GDAP1: variants seen among roughly 807,000 people sequenced by gnomAD.
GDAP1 encodes ganglioside-induced differentiation-associated protein 1.
Under a neutral mutation model 40.1 loss-of-function variants are expected in GDAP1, and 34 were observed. The ratio of observed to expected loss-of-function variants is 0.85; its 90% CI spans 0.64 to 1.13. The LOEUF is 1.13. Ranked by LOEUF, GDAP1 falls within the 50% of genes most tolerant of loss-of-function variation. The pLI is 0.00. For missense variants in GDAP1, 374 were observed against 433.7 expected (o/e 0.86, Z 1.22); for synonymous variants, 170 against 157.4 (o/e 1.08, Z -0.60).
chr8:74,417,724 TC>T, intron 2 of GDAP1, among the ~76,000 whole-genome samples: 1 of 121,044 alleles, frequency 8.3e-6, no homozygotes, highest in Admixed American at 1.1e-4. Context: ...GCCATTGCAC[TC>T]CAGCCTGAGC....
At chr8:74,448,743 T>A (rs1277719894) in intron 2 of GDAP1, among the ~76,000 whole-genome samples, 1 of 152,122 alleles carries the variant, frequency 6.6e-6, no homozygotes, top group African/African-American at 2.4e-5. Context: ...TACAATGTGG[T>A]CTTTCATGTC....
chr8:74,461,237 A>G (rs1018632836), intron 2 of GDAP1, among the ~76,000 whole-genome samples: 4 of 152,228 alleles, frequency 2.6e-5, no homozygotes, highest in African/African-American at 9.7e-5. Context: ...AAAATGGGGT[A>G]CATAATAAGC....
chr8:74,439,350 G>A (rs971846029), intron 2 of GDAP1, among the ~76,000 whole-genome samples: 3 of 151,960 alleles, frequency 2.0e-5, no homozygotes, highest in African/African-American at 7.3e-5. Flanking sequence ...TAATTTAGCA[G>A]TATTTTATAA....
At position 74,360,246 on chromosome 8, in the gene GDAP1, C is replaced by T. The variant is rs1202052524; in HGVS notation, c.420C>T (p.Cys140=). The T allele has an allele frequency of 1.2e-6, 2 of 1,613,596 alleles. No individual in the cohort carries two copies. The highest frequency in any genetic ancestry group is 2.2e-5 in the South Asian group (2 of 91,058). Reference sequence around the variant, plus strand: ...CAATGGATGCCTATACACATGGCTGCATTTTACATCCTGAGTTAACTGTGG... The same window carrying T: ...CAATGGATGCCTATACACATGGCTGTATTTTACATCCTGAGTTAACTGTGG... The part of the protein sequence containing the change: ...SLPMDAYTHG[C]ILHPELTVDS... Residue 140 remains cysteine (C), a synonymous_variant, in exon 3 of 6, where the codon TGC becomes TGT. Transcript: ENST00000220822.
intron 2 of GDAP1, among the ~76,000 whole-genome samples, chr8:74,377,283 C>T (rs1022164860): frequency 3.3e-5 from 5 of 151,940 alleles, no homozygotes; most frequent in Non-Finnish European, 5.9e-5. Context: ...AGAATATTCA[C>T]AATATATATA....
chr8:74,464,449 C>T (rs1455538049), intron 2 of GDAP1, among the ~76,000 whole-genome samples: 3 of 152,142 alleles, frequency 2.0e-5, no homozygotes, highest in Non-Finnish European at 4.4e-5. Flanking sequence ...GAAATAAGAA[C>T]AATGTGCAAC....
At chr8:74,354,798 G>T (rs767625734) in intron 2 of GDAP1, among the ~76,000 whole-genome samples, 1 of 152,180 alleles carries the variant, frequency 6.6e-6, no homozygotes, top group African/African-American at 2.4e-5. Context: ...TTGACATTTT[G>T]TCCAATTATG....
At chr8:74,359,249 C>T (rs1809239586) in intron 2 of GDAP1, among the ~76,000 whole-genome samples, 1 of 152,104 alleles carries the variant, frequency 6.6e-6, no homozygotes, top group Non-Finnish European at 1.5e-5. Flanking sequence ...ATGTTAACTC[C>T]TGCAGCACTT....
intron 2 of GDAP1, among the ~76,000 whole-genome samples, chr8:74,421,120 G>A (rs1805852509): frequency 6.6e-6 from 1 of 152,102 alleles, no homozygotes. Context: ...TTTCTATTGG[G>A]TGAAGCAACT....
chr8:74,353,139 T>C (rs1180830553), intron 2 of GDAP1, among the ~76,000 whole-genome samples: 1 of 152,222 alleles, frequency 6.6e-6, no homozygotes, highest in Non-Finnish European at 1.5e-5. Flanking sequence ...AAGTTCTGTG[T>C]CCTGCTAAGT....
chr8:74,384,366 A>G (rs542653698), intron 2 of GDAP1, among the ~76,000 whole-genome samples: 3 of 152,290 alleles, frequency 2.0e-5, no homozygotes, highest in Admixed American at 6.5e-5. Context: ...AACAATTTTT[A>G]TATTTTTCCA....
At chr8:74,353,481 CAG>C (rs1808969914) in intron 2 of GDAP1, among the ~76,000 whole-genome samples, 1 of 151,112 alleles carries the variant, frequency 6.6e-6, no homozygotes, top group African/African-American at 2.4e-5. Context: ...AAGTTTATCT[CAG>C]AGTACTGAAA....
intron 2 of GDAP1, among the ~76,000 whole-genome samples, chr8:74,414,627 G>C (rs1805756446): frequency 6.8e-6 from 1 of 147,934 alleles, no homozygotes; most frequent in Non-Finnish European, 1.5e-5. Flanking sequence ...AGAGAAAAAC[G>C]TTAAAAGAAG....
chr8:74,351,560 C>T, intron 2 of GDAP1, 94 bp downstream of exon 2: 5 of 966,824 alleles, frequency 5.2e-6, no homozygotes, highest in South Asian at 3.9e-5. Flanking sequence ...CTCTCTTTCT[C>T]TTGTGTCATG....
At chr8:74,440,535 T>C (rs1806150216) in intron 2 of GDAP1, among the ~76,000 whole-genome samples, 1 of 152,094 alleles carries the variant, frequency 6.6e-6, no homozygotes, top group African/African-American at 2.4e-5. Flanking sequence ...TAATCCAACC[T>C]ATCTCTCGTA....
chr8:74,352,425 A>G (rs199583295), intron 2 of GDAP1, among the ~76,000 whole-genome samples: 1 of 150,716 alleles, frequency 6.6e-6, no homozygotes, highest in African/African-American at 2.4e-5. Flanking sequence ...AGGGTAGGTG[A>G]AAGCAGAACC....
At chr8:74,417,994 C>G (rs2131557309) in intron 2 of GDAP1, among the ~76,000 whole-genome samples, 1 of 152,140 alleles carries the variant, frequency 6.6e-6, no homozygotes, top group East Asian at 1.9e-4. Flanking sequence ...GTACTGGGAT[C>G]TATATATTGA....
chr8:74,428,633 ATTTTTTTTTTT>A (rs1195348725), intron 2 of GDAP1, among the ~76,000 whole-genome samples: 5 of 42,846 alleles, frequency 1.2e-4, no homozygotes, highest in South Asian at 1.7e-3. Flanking sequence ...CACCCGGCTA[ATTTTTTTTTTT>A]TTTTTTTTTT....
At chr8:74,475,923 T>A (rs994948408) in intron 2 of GDAP1, among the ~76,000 whole-genome samples, 7 of 152,208 alleles carry the variant, frequency 4.6e-5, no homozygotes, top group Non-Finnish European at 8.8e-5. Flanking sequence ...TCTAAGTCTC[T>A]TTGAAGATCT....
Sources: gnomAD v4.1 joint callset for allele counts (sites outside exome capture counted in the v4.1 genomes callset) on GRCh38, gnomAD v4.1.1 for gene constraint, MANE v1.5 for transcripts, NCBI Gene and HGNC (gene_info 2026-07-23, HGNC 2026-07-21) for gene names.